Variants in LRTM3 observed in about 807,000 individuals in gnomAD.
The protein encoded by LRTM3 is leucine-rich repeat transmembrane protein 3.
chr13:102,730,040 G>C, the LRTM3 span: 22 of 1,551,500 alleles, frequency 1.4e-5, no homozygotes, highest in Admixed American at 2.0e-5. Context: ...AATTTCCGCA[G>C]TATTTGATGA....
At chr13:102,747,711 C>G in the LRTM3 span, 8 of 1,551,044 alleles carry the variant, frequency 5.2e-6, no homozygotes, top group Admixed American at 3.9e-5. Flanking sequence ...CCGGCACTCT[C>G]TCTGTCTGTA....
At chr13:102,733,285 T>C in the LRTM3 span, 2 of 1,551,430 alleles carry the variant, frequency 1.3e-6, no homozygotes, top group Middle Eastern at 3.3e-4. Flanking sequence ...CCTTTGTCTG[T>C]GGTGCTAACA....
chr13:102,740,338 CTTAG>C, the LRTM3 span: 1 of 1,550,162 alleles, frequency 6.5e-7, no homozygotes, highest in Non-Finnish European at 8.7e-7. Context: ...CTAGTCTATT[CTTAG>C]TTATAGTGCT....
At chr13:102,738,273 T>C in the LRTM3 span, 1 of 1,550,768 alleles carries the variant, frequency 6.4e-7, no homozygotes, top group Non-Finnish European at 8.7e-7. Flanking sequence ...ACTTTGATTG[T>C]GATATCACCC....
At chr13:102,747,939 G>T in the LRTM3 span, 103 of 1,551,130 alleles carry the variant, frequency 6.6e-5, no homozygotes, top group Non-Finnish European at 1.9e-5. Flanking sequence ...CCTTGTGTCA[G>T]CTCTGAATTT....
chr13:102,729,654 A>G, the LRTM3 span: 3 of 1,550,530 alleles, frequency 1.9e-6, no homozygotes, highest in East Asian at 2.4e-5. Context: ...GCAAAAAAAA[A>G]GGGCCGGTTT....
At chr13:102,736,290 G>A in the LRTM3 span, 1 of 1,551,080 alleles carries the variant, frequency 6.4e-7, no homozygotes, top group South Asian at 1.2e-5. Context: ...ATGCCCCACT[G>A]TGGCTCCTTT....
chr13:102,755,958 TATA>T, the LRTM3 span, among the ~76,000 whole-genome samples: 3 of 87,924 alleles, frequency 3.4e-5, no homozygotes, highest in African/African-American at 5.4e-5. Flanking sequence ...TATATATATA[TATA>T]TTTTTTTTTT....
At chr13:102,759,031 T>G in the LRTM3 span, 1 of 687,782 alleles carries the variant, frequency 1.5e-6, no homozygotes, top group Non-Finnish European at 2.4e-6. Flanking sequence ...CTCATAACCA[T>G]GTGCAACATT....
At chr13:102,747,340 A>G in the LRTM3 span, 1 of 1,550,188 alleles carries the variant, frequency 6.5e-7, no homozygotes, top group Non-Finnish European at 8.7e-7. Context: ...TAATTTCAAA[A>G]TTGCCTCCCA....
chr13:102,735,310 A>T, the LRTM3 span: 1 of 1,551,230 alleles, frequency 6.4e-7, no homozygotes, highest in Non-Finnish European at 8.7e-7. Flanking sequence ...ATTGCTTTAC[A>T]TCACTTGAAA....
the LRTM3 span, chr13:102,740,718 G>T: frequency 1.9e-6 from 3 of 1,548,240 alleles, no homozygotes; most frequent in Non-Finnish European, 2.6e-6. Flanking sequence ...TGAGATGCAG[G>T]CTTTGGAAGA....
chr13:102,731,450 A>T, the LRTM3 span: 1 of 1,551,420 alleles, frequency 6.4e-7, no homozygotes, highest in East Asian at 2.4e-5. Flanking sequence ...ATGACTAGTA[A>T]GCTTATTTTT....
At chr13:102,744,399 TTTCATCCCAAGGGGTA>T in the LRTM3 span, 1 of 1,550,310 alleles carries the variant, frequency 6.5e-7, no homozygotes, top group Non-Finnish European at 8.7e-7. Context: ...CTTCTAGGAT[TTTCATCCCAAGGGGTA>T]TCACGTGGTA....
chr13:102,730,888 C>T, the LRTM3 span: 4 of 1,551,178 alleles, frequency 2.6e-6, no homozygotes, highest in Admixed American at 2.0e-5. Flanking sequence ...CAGAAAGTAA[C>T]AAAATTCTGT....
the LRTM3 span, chr13:102,746,212 T>C: frequency 6.4e-7 from 1 of 1,550,842 alleles, no homozygotes; most frequent in Non-Finnish European, 8.7e-7. Context: ...CTGGGTCTGA[T>C]TCAAGATGGA....
At chr13:102,736,080 C>T in the LRTM3 span, 1 of 1,541,188 alleles carries the variant, frequency 6.5e-7, no homozygotes, top group Non-Finnish European at 8.8e-7. Flanking sequence ...TGTTGGTTTG[C>T]TTTTAGTATT....
chr13:102,754,267 G>A, the LRTM3 span, among the ~76,000 whole-genome samples: 1 of 148,060 alleles, frequency 6.8e-6, no homozygotes, highest in Non-Finnish European at 1.5e-5. Context: ...ATAATCCAAT[G>A]TAAGATCAGC....
chr13:102,736,486 T>C, the LRTM3 span: 2 of 1,551,162 alleles, frequency 1.3e-6, no homozygotes, highest in Non-Finnish European at 1.7e-6. Flanking sequence ...TTGTAGGTGC[T>C]GTTTGCCTTG....
Sources: allele counts gnomAD v4.1 joint callset (sites outside exome capture counted in the v4.1 genomes callset), GRCh38; gene constraint gnomAD v4.1.1; transcripts MANE v1.5; gene names NCBI Gene and HGNC (gene_info 2026-07-23, HGNC 2026-07-21).